The following VPS13C variants were observed in gnomAD, a reference collection of about 807,000 sequenced individuals.
The protein encoded by VPS13C is intermembrane lipid transfer protein VPS13C.
A neutral mutation model predicts 456.8 loss-of-function variants in VPS13C; 358 were observed. The observed-to-expected ratio is 0.78, with a 90% CI of 0.72 to 0.86. The LOEUF (loss-of-function observed/expected upper bound fraction) is 0.86, where lower values mean the gene tolerates loss of function less well. Among genes scored for constraint, VPS13C ranks in the 40% least tolerant of loss-of-function variants. VPS13C has a pLI of 0.00. For synonymous variants in VPS13C, 1,578 were observed against 1,486.7 expected (o/e 1.06, Z -1.41); for missense variants, 4,818 against 4,385.4 (o/e 1.10, Z -2.79).
At chr15:61,913,000 A>G (rs1247916542) in intron 62 of VPS13C, among the ~76,000 whole-genome samples, 2 of 151,288 alleles carry the variant, frequency 1.3e-5, no homozygotes, top group African/African-American at 2.4e-5. Context: ...CACACCAGTT[A>G]GAATGGCGAT....
chr15:61,956,805 G>C (rs1453625572), intron 37 of VPS13C, among the ~76,000 whole-genome samples: 1 of 152,096 alleles, frequency 6.6e-6, no homozygotes, highest in Admixed American at 6.6e-5. Context: ...CCAAGTACTG[G>C]GGAGAATGTG....
At chr15:62,043,086 T>A (rs1467970180) in intron 2 of VPS13C, among the ~76,000 whole-genome samples, 1 of 151,940 alleles carries the variant, frequency 6.6e-6, no homozygotes, top group African/African-American at 2.4e-5. Flanking sequence ...AAAAACCTCT[T>A]TTCCAATCTA....
chr15:61,876,822 C>G, intron 75 of VPS13C, 151 bp downstream of exon 75: 1 of 526,164 alleles, frequency 1.9e-6, no homozygotes, highest in Non-Finnish European at 3.1e-6. Flanking sequence ...ACTAAAGAAA[C>G]AGAAATTAAT....
intron 15 of VPS13C, 150 bp from the exon 16 acceptor site, chr15:62,000,776 T>C (rs1373889302): frequency 7.6e-6 from 4 of 524,190 alleles, no homozygotes; most frequent in South Asian, 1.1e-4. Context: ...TTCTAGACTT[T>C]TAAATTTTTT....
chr15:61,945,608 G>A (rs912468610), intron 45 of VPS13C, 107 bp downstream of exon 45: 4 of 765,278 alleles, frequency 5.2e-6, no homozygotes, highest in Non-Finnish European at 6.0e-6. Flanking sequence ...GCACTCAGGT[G>A]CTCATCACAC....
chr15:61,980,183 C>CAAAAAAAAAA (rs71125960), intron 22 of VPS13C, among the ~76,000 whole-genome samples: 14 of 45,262 alleles, frequency 3.1e-4, no homozygotes, highest in African/African-American at 9.1e-4. Flanking sequence ...GACCCCATCT[C>CAAAAAAAAAA]AAAAAAAAAA....
chr15:61,887,756 T>C (rs1245483581), intron 67 of VPS13C, among the ~76,000 whole-genome samples: 3 of 152,006 alleles, frequency 2.0e-5, no homozygotes, highest in African/African-American at 7.2e-5. Context: ...ACAAAACTCC[T>C]AGAAGATAAT....
At chr15:61,956,946 A>T (rs1222046626) in intron 37 of VPS13C, among the ~76,000 whole-genome samples, 1 of 152,034 alleles carries the variant, frequency 6.6e-6, no homozygotes, top group Non-Finnish European at 1.5e-5. Context: ...CAGTAATTCT[A>T]CTCCTACCTA....
At chr15:61,986,831 T>C (rs576340741) in intron 18 of VPS13C, among the ~76,000 whole-genome samples, 19 of 152,186 alleles carry the variant, frequency 1.2e-4, no homozygotes, top group African/African-American at 4.3e-4. Flanking sequence ...ACAATGAAAT[T>C]ATACCTTCAA....
intron 1 of VPS13C, among the ~76,000 whole-genome samples, chr15:62,047,752 C>T (rs534379162): frequency 6.6e-6 from 1 of 152,180 alleles, no homozygotes; most frequent in Non-Finnish European, 1.5e-5. Context: ...CACTAAACTG[C>T]ATGCTATTCT....
At position 61,931,279 on chromosome 15, in the gene VPS13C, C is replaced by T; in HGVS notation, c.5869-20G>A. 6.3e-7 allele frequency: 1 copy of T among 1,595,570 alleles called. No individual in the cohort carries two copies. On this transcript the variant is annotated intron_variant, in intron 49 of 84. Transcript: ENST00000644861. ...AGATTCCTATGGTACATTTTTCAAG[C>T]AAAAGAATCAATTACCTTTAAATAT...
rs183935726 is a variant in VPS13C, at chr15:61,881,425, T to C, written c.9776+138A>G. 4.9e-6 allele frequency: 4 copies of C among 821,432 alleles called. No homozygotes were observed. In the Admixed American group the frequency reaches 1.4e-4, roughly 28 times the overall value. The allele number at this position is 821,432 out of a possible 1,614,324, so 50.9% of individuals were successfully genotyped here. A position where few individuals can be genotyped will look rare whatever the true frequency, so the allele number is the denominator to read the frequency against. On this transcript the variant is annotated intron_variant, in intron 71 of 84. Transcript: ENST00000644861. Reference sequence around the variant, plus strand: ...AATAAGTTGAAGCATAAAAGATTACTTGACCAAAAGTGAATTAATAGGTTC... The same window carrying C: ...AATAAGTTGAAGCATAAAAGATTACCTGACCAAAAGTGAATTAATAGGTTC...
intron 66 of VPS13C, among the ~76,000 whole-genome samples, chr15:61,896,870 G>T (rs12900999): frequency 6.7e-6 from 1 of 150,252 alleles, no homozygotes; most frequent in South Asian, 2.1e-4. Context: ...GCTTTGAAGA[G>T]AGCAGTGGTT....
intron 1 of VPS13C, among the ~76,000 whole-genome samples, chr15:62,055,475 T>G (rs2140805411): frequency 6.6e-6 from 1 of 150,964 alleles, no homozygotes; most frequent in East Asian, 1.9e-4. Flanking sequence ...TCTCCTGACC[T>G]CGTGATCTGC....
intron 66 of VPS13C, among the ~76,000 whole-genome samples, chr15:61,901,896 A>G (rs1324083372): frequency 3.9e-5 from 6 of 152,134 alleles, no homozygotes; most frequent in Admixed American, 3.3e-4. Context: ...GATTAAGAAA[A>G]TGTGGCACAT....
Position 61,920,338 on chromosome 15 carries a change from A to G in VPS13C, c.7213-7T>C. The G allele has an allele frequency of 6.3e-7, 1 of 1,588,794 alleles. No individual in the cohort carries two copies. The highest frequency in any genetic ancestry group is 8.6e-7 in the Non-Finnish European group (1 of 1,164,304). On this transcript the variant is annotated splice_polypyrimidine_tract_variant and splice_region_variant and intron_variant, in intron 56 of 84. Transcript: ENST00000644861. ...CAGTGCCCTCTGAAAAACCCTGAAA[A>G]GGAACATATCATCACAGTAAAATTT...
intron 36 of VPS13C, among the ~76,000 whole-genome samples, chr15:61,959,183 T>G (rs1302590331): frequency 6.6e-6 from 1 of 152,084 alleles, no homozygotes; most frequent in Non-Finnish European, 1.5e-5. Context: ...ACATATATAA[T>G]ACATGAGATA....
At chr15:61,890,798 G>A (rs552188198) in intron 66 of VPS13C, among the ~76,000 whole-genome samples, 1 of 152,148 alleles carries the variant, frequency 6.6e-6, no homozygotes, top group Admixed American at 6.5e-5. Context: ...TATAATCCCA[G>A]CACTTTTGGA....
chr15:61,883,004 T>C (rs1166566274), intron 68 of VPS13C, among the ~76,000 whole-genome samples: 2 of 151,928 alleles, frequency 1.3e-5, no homozygotes, highest in Non-Finnish European at 2.9e-5. Context: ...CTTCCTCAAG[T>C]AACGAATAGT....
Sources: gnomAD v4.1 joint callset for allele counts (sites outside exome capture counted in the v4.1 genomes callset) on GRCh38, gnomAD v4.1.1 for gene constraint, MANE v1.5 for transcripts, NCBI Gene and HGNC (gene_info 2026-07-23, HGNC 2026-07-21) for gene names.